SLC1A3: variants seen among roughly 807,000 people sequenced by gnomAD.
The protein encoded by SLC1A3 is excitatory amino acid transporter 1.
SLC1A3 carries 21 observed loss-of-function variants against 48.1 expected under a neutral mutation model. The observed-to-expected ratio is 0.44, with a 90% CI of 0.31 to 0.63. SLC1A3 has a LOEUF of 0.63. Among genes scored for constraint, SLC1A3 ranks in the 20% least tolerant of loss-of-function variants. The probability of loss-of-function intolerance (pLI) is 0.08; values close to 1 mark genes in which losing one functional copy is unlikely to be tolerated. For synonymous variants in SLC1A3, 239 were observed against 251.4 expected (o/e 0.95, Z 0.47); for missense variants, 546 against 689.0 (o/e 0.79, Z 2.32).
intron 3 of SLC1A3, among the ~76,000 whole-genome samples, chr5:36,640,839 C>T (rs889314213): frequency 1.3e-5 from 2 of 152,116 alleles, no homozygotes; most frequent in African/African-American, 4.8e-5. Flanking sequence ...TTCATCTACA[C>T]TGCCACCCCC....
chr5:36,686,031 C>G (rs747470337), intron 9 of SLC1A3, 34 bp from the exon 10 acceptor site: 2 of 1,576,782 alleles, frequency 1.3e-6, no homozygotes, highest in Admixed American at 1.7e-5. Context: ...CTCACGGGAG[C>G]CTCGTTTTTC....
At chr5:36,661,839 T>C (rs1426099908) in intron 3 of SLC1A3, among the ~76,000 whole-genome samples, 2 of 152,226 alleles carry the variant, frequency 1.3e-5, no homozygotes, top group Non-Finnish European at 2.9e-5. Flanking sequence ...TGCTCTGCAG[T>C]CAATTTGAGA....
chr5:36,645,319 CTTTTTTTTTTTTTTTTT>C (rs68027582), intron 3 of SLC1A3, among the ~76,000 whole-genome samples: 17 of 84,272 alleles, frequency 2.0e-4, no homozygotes, highest in African/African-American at 6.8e-4. Flanking sequence ...CTTCCGCTGC[CTTTTTTTTTTTTTTTTT>C]TTTTTTTTTT....
chr5:36,643,949 G>A (rs1199901128), intron 3 of SLC1A3, among the ~76,000 whole-genome samples: 1 of 151,962 alleles, frequency 6.6e-6, no homozygotes, highest in East Asian at 1.9e-4. Context: ...AGCCAAGATT[G>A]GGCCATTGCA....
At chr5:36,608,116 A>G (rs1324219564) in intron 1 of SLC1A3, 1 of 300,742 alleles carries the variant, frequency 3.3e-6, no homozygotes, top group East Asian at 6.6e-5. Flanking sequence ...GATTTTTAAA[A>G]AGAAAATAGA....
At chr5:36,612,724 T>C (rs1454542771) in intron 2 of SLC1A3, 1 of 448,314 alleles carries the variant, frequency 2.2e-6, no homozygotes, top group Admixed American at 2.4e-5. Flanking sequence ...AGGGAGGTAA[T>C]TTTATTACTC....
At chr5:36,679,413 G>C (rs1742340888) in intron 6 of SLC1A3, among the ~76,000 whole-genome samples, 1 of 152,140 alleles carries the variant, frequency 6.6e-6, no homozygotes, top group Admixed American at 6.5e-5. Flanking sequence ...GATTCTGCAA[G>C]AATCAGGGGA....
At chr5:36,602,588 A>T (rs1561230341), upstream of SLC1A3, among the ~76,000 whole-genome samples, 1 of 152,244 alleles carries the variant, frequency 6.6e-6, no homozygotes, top group Non-Finnish European at 1.5e-5. Flanking sequence ...TGAAGCCTTC[A>T]TTAAAAAGCA....
chr5:36,599,017 T>C (rs1738775034), intron 1 of SLC1A3, among the ~76,000 whole-genome samples: 1 of 152,218 alleles, frequency 6.6e-6, no homozygotes, highest in African/African-American at 2.4e-5. Flanking sequence ...AATGAGATAT[T>C]TTACATTTTG....
chr5:36,623,733 G>A (rs534390141), intron 2 of SLC1A3, among the ~76,000 whole-genome samples: 161 of 151,468 alleles, frequency 1.1e-3, no homozygotes, highest in African/African-American at 3.7e-3. Context: ...GCATGGTGGC[G>A]CATGCCTGTA....
chr5:36,613,005 G>T, intron 2 of SLC1A3: 1 of 353,436 alleles, frequency 2.8e-6, no homozygotes, highest in South Asian at 2.1e-5. Flanking sequence ...CAGACCAATG[G>T]CCCGCTTTCT....
chr5:36,624,865 A>C (rs1015713042), intron 2 of SLC1A3, among the ~76,000 whole-genome samples: 1 of 152,218 alleles, frequency 6.6e-6, no homozygotes, highest in Admixed American at 6.5e-5. Context: ...GCAAGTAAGA[A>C]GACCTGTAAA....
intron 2 of SLC1A3, among the ~76,000 whole-genome samples, chr5:36,621,229 G>T (rs938604959): frequency 3.3e-5 from 5 of 152,156 alleles, no homozygotes; most frequent in African/African-American, 1.2e-4. Flanking sequence ...AAGGAGGTAA[G>T]TGTTGTGGAT....
upstream of SLC1A3, among the ~76,000 whole-genome samples, chr5:36,604,539 C>T (rs969369308): frequency 2.0e-5 from 3 of 152,162 alleles, no homozygotes; most frequent in African/African-American, 7.2e-5. Context: ...AACTGAGACT[C>T]TTTGCATCTC....
chr5:36,647,786 AT>A (rs1740895813), intron 3 of SLC1A3, among the ~76,000 whole-genome samples: 1 of 152,128 alleles, frequency 6.6e-6, no homozygotes, highest in Admixed American at 6.5e-5. Context: ...ATTTTGTTTT[AT>A]TTTTGCCATT....
chr5:36,649,688 A>G (rs1740982875), intron 3 of SLC1A3, among the ~76,000 whole-genome samples: 1 of 152,204 alleles, frequency 6.6e-6, no homozygotes, highest in Non-Finnish European at 1.5e-5. Context: ...CTGATCAATG[A>G]TTCTCAAAAT....
At chr5:36,629,965 A>G (rs1740074197) in intron 3 of SLC1A3, 1 of 306,510 alleles carries the variant, frequency 3.3e-6, no homozygotes, top group African/African-American at 2.2e-5. Context: ...TGGACAGCCT[A>G]TTAGCTATTG....
chr5:36,599,436 T>C (rs527425043), intron 1 of SLC1A3, among the ~76,000 whole-genome samples: 1 of 151,812 alleles, frequency 6.6e-6, no homozygotes, highest in East Asian at 1.9e-4. Flanking sequence ...TCTGTCTCAT[T>C]GCCACCTACG....
chr5:36,673,780 TTAA>T (rs1356184429), intron 4 of SLC1A3, among the ~76,000 whole-genome samples: 9 of 152,170 alleles, frequency 5.9e-5, no homozygotes, highest in South Asian at 2.1e-4. Flanking sequence ...AGCAGGGTTT[TTAA>T]TAATATAATG....
Sources: allele counts gnomAD v4.1 joint callset (sites outside exome capture counted in the v4.1 genomes callset), GRCh38; gene constraint gnomAD v4.1.1; transcripts MANE v1.5; gene names NCBI Gene and HGNC (gene_info 2026-07-23, HGNC 2026-07-21).